Variants in SRPRB observed in about 807,000 individuals in gnomAD.
SRPRB encodes the protein signal recognition particle receptor subunit beta.
SRPRB carries 20 observed loss-of-function variants against 31.9 expected under a neutral mutation model. The ratio of observed to expected loss-of-function variants is 0.63; its 90% CI spans 0.44 to 0.91. SRPRB has a LOEUF of 0.91. Among genes scored for constraint, SRPRB ranks in the 40% least tolerant of loss-of-function variants. SRPRB has a pLI of 0.00. For missense variants in SRPRB, 321 were observed against 324.9 expected, an observed-to-expected ratio of 0.99 and a Z score of 0.09; for synonymous variants, 146 against 132.8, an observed-to-expected ratio of 1.10 and a Z score of -0.68.
intron 1 of SRPRB, 128 bp from the exon 2 acceptor site, chr3:133,806,481 G>A (rs1935162251): frequency 1.4e-6 from 1 of 692,958 alleles, no homozygotes; most frequent in Admixed American, 2.5e-5. Flanking sequence ...TAACCATTAT[G>A]ATAAAAGTCA....
chr3:133,819,506 G>A (rs530043403), intron 6 of SRPRB, 47 bp from the exon 7 acceptor site: 1 of 1,547,582 alleles, frequency 6.5e-7, no homozygotes, highest in South Asian at 1.1e-5. Context: ...TGATTTAATT[G>A]CTGTATAAAA....
intron 1 of SRPRB, chr3:133,795,467 G>A (rs926376792): frequency 1.1e-4 from 17 of 152,016 alleles, no homozygotes; most frequent in Admixed American, 7.9e-4. Context: ...ATGATGTGCT[G>A]AGTCCAAAAG....
At chr3:133,823,821 CT>C (rs1935511806), downstream of SRPRB, among the ~76,000 whole-genome samples, 1 of 152,122 alleles carries the variant, frequency 6.6e-6, no homozygotes, top group African/African-American at 2.4e-5. Flanking sequence ...ACCTTAAGTT[CT>C]TGCCTTTAAA....
downstream of SRPRB, chr3:133,827,958 A>G (rs1465557639): frequency 1.4e-5 from 10 of 702,844 alleles, no homozygotes; most frequent in Non-Finnish European, 2.3e-5. Flanking sequence ...TAAACCACGC[A>G]CCACGCAGCT....
chr3:133,790,465 G>T (rs912030728), intron 1 of SRPRB: 4 of 152,188 alleles, frequency 2.6e-5, no homozygotes, highest in Admixed American at 6.5e-5. Flanking sequence ...GATTTGAAAA[G>T]GTTACTTATG....
downstream of SRPRB, chr3:133,825,660 T>C (rs974879620): frequency 1.3e-5 from 2 of 152,188 alleles, no homozygotes; most frequent in Non-Finnish European, 2.9e-5. Flanking sequence ...CACTTGTAAA[T>C]AGGCTGTTTG....
At chr3:133,821,668 G>C (rs1449329230), downstream of SRPRB, among the ~76,000 whole-genome samples, 1 of 152,206 alleles carries the variant, frequency 6.6e-6, no homozygotes. Flanking sequence ...TCAAATGTTA[G>C]TGGGCATCAG....
At chr3:133,816,799 A>G in intron 5 of SRPRB, 79 bp from the exon 6 acceptor site, 1 of 1,141,458 alleles carries the variant, frequency 8.8e-7, no homozygotes, top group Non-Finnish European at 1.2e-6. Flanking sequence ...TTAAATAGGA[A>G]TTTTCCTTCT....
intron 2 of SRPRB, 74 bp downstream of exon 2, chr3:133,806,777 C>T: frequency 8.6e-7 from 1 of 1,160,272 alleles, no homozygotes; most frequent in Non-Finnish European, 1.3e-6. Context: ...TGTCATCTCA[C>T]GGTTTATTTT....
intron 1 of SRPRB, chr3:133,792,865 C>T (rs569459496): frequency 6.6e-6 from 1 of 152,126 alleles, no homozygotes; most frequent in East Asian, 1.9e-4. Context: ...GGGGTATTTT[C>T]TGGTTTTTCC....
chr3:133,804,999 C>G (rs536579475), upstream of SRPRB, among the ~76,000 whole-genome samples: 29 of 152,262 alleles, frequency 1.9e-4, no homozygotes, highest in South Asian at 5.8e-3. Flanking sequence ...CAGAAAATTT[C>G]AAAAGTGGAA....
chr3:133,804,632 G>T (rs1367911857), upstream of SRPRB, among the ~76,000 whole-genome samples: 2 of 151,972 alleles, frequency 1.3e-5, no homozygotes, highest in Non-Finnish European at 2.9e-5. Context: ...CAAGTCTGTG[G>T]TTTTTGCAGT....
At chr3:133,787,443 C>T (rs1934715031) in intron 1 of SRPRB, 1 of 152,120 alleles carries the variant, frequency 6.6e-6, no homozygotes, top group Non-Finnish European at 1.5e-5. Context: ...GATACATGTG[C>T]AATTTTATTT....
chr3:133,823,179 C>T (rs1935501337), downstream of SRPRB, among the ~76,000 whole-genome samples: 1 of 152,226 alleles, frequency 6.6e-6, no homozygotes, highest in Non-Finnish European at 1.5e-5. Context: ...TTCCACTGGC[C>T]TCTGAAGTGC....
downstream of SRPRB, chr3:133,827,184 T>C (rs916739014): frequency 6.6e-6 from 1 of 152,292 alleles, no homozygotes. Context: ...CCATTTCAGA[T>C]TAATTTCTGA....
At chr3:133,821,729 A>G (rs1008577785), downstream of SRPRB, among the ~76,000 whole-genome samples, 3 of 152,182 alleles carry the variant, frequency 2.0e-5, no homozygotes, top group South Asian at 2.1e-4. Flanking sequence ...CTCTCAGACA[A>G]TTTGATTCAA....
intron 1 of SRPRB, chr3:133,788,402 T>G (rs536300313): frequency 5.9e-5 from 9 of 152,350 alleles, no homozygotes; most frequent in Non-Finnish European, 1.3e-4. Context: ...ACTGGGCTCT[T>G]GAGCCCCTAA....
At chr3:133,814,391 A>C (rs1250500648) in intron 4 of SRPRB, among the ~76,000 whole-genome samples, 1 of 151,708 alleles carries the variant, frequency 6.6e-6, no homozygotes, top group Non-Finnish European at 1.5e-5. Context: ...TCGGCTTCCC[A>C]AAGTGCTGGG....
intron 3 of SRPRB, among the ~76,000 whole-genome samples, chr3:133,808,290 G>A (rs1935198663): frequency 1.3e-5 from 2 of 151,386 alleles, no homozygotes; most frequent in Non-Finnish European, 2.9e-5. Flanking sequence ...GATGTTCTGT[G>A]CATATACAAA....
Sources: allele counts gnomAD v4.1 joint callset (sites outside exome capture counted in the v4.1 genomes callset), GRCh38; gene constraint gnomAD v4.1.1; transcripts MANE v1.5; gene names NCBI Gene and HGNC (gene_info 2026-07-23, HGNC 2026-07-21).